Variants in DCSTAMP observed in about 807,000 individuals in gnomAD.
The protein encoded by DCSTAMP is dendritic cell-specific transmembrane protein.
Under a neutral mutation model 33.8 loss-of-function variants are expected in DCSTAMP, and 25 were observed. The observed-to-expected ratio is 0.74, with a 90% CI of 0.54 to 1.03. The LOEUF (loss-of-function observed/expected upper bound fraction) is 1.03, where lower values mean the gene tolerates loss of function less well. Ranked by LOEUF, DCSTAMP falls within the 50% of genes least tolerant of loss-of-function variation. The probability of loss-of-function intolerance (pLI) is 0.00; values close to 1 mark genes in which losing one functional copy is unlikely to be tolerated. For synonymous variants in DCSTAMP, 245 were observed against 216.7 expected, an observed-to-expected ratio of 1.13 and a Z score of -1.15; for missense variants, 531 against 556.8, an observed-to-expected ratio of 0.95 and a Z score of 0.47.
At chr8:104,346,924 A>G (rs1564064615) in intron 1 of DCSTAMP, among the ~76,000 whole-genome samples, 1 of 152,222 alleles carries the variant, frequency 6.6e-6, no homozygotes, top group Non-Finnish European at 1.5e-5. Context: ...ACTGGCTCTC[A>G]CTGTATTCAG....
intron 2 of DCSTAMP, among the ~76,000 whole-genome samples, chr8:104,350,905 C>T (rs1299824123): frequency 6.6e-6 from 1 of 152,150 alleles, no homozygotes; most frequent in Non-Finnish European, 1.5e-5. Flanking sequence ...TTTAAAACCT[C>T]CCAGAGTAAT....
intron 1 of DCSTAMP, among the ~76,000 whole-genome samples, chr8:104,346,145 GC>G (rs145023842): frequency 0.011 from 1,673 of 152,366 alleles, 21 homozygotes; most frequent in African/African-American, 0.037. Flanking sequence ...TGTGCCAGAT[GC>G]AAAGAGCATC....
At chr8:104,344,206 A>G (rs957301528) in intron 1 of DCSTAMP, among the ~76,000 whole-genome samples, 1 of 152,184 alleles carries the variant, frequency 6.6e-6, no homozygotes, top group Non-Finnish European at 1.5e-5. Context: ...GACTTGTGCT[A>G]TCCAATACAT....
chr8:104,348,440 T>C (rs1186634426), intron 1 of DCSTAMP, 101 bp from the exon 2 acceptor site: 5 of 1,206,178 alleles, frequency 4.1e-6, no homozygotes, highest in East Asian at 4.9e-5. Context: ...AGTAAAGAAT[T>C]ATGGCCACGT....
chr8:104,355,016 T>C lies in DCSTAMP; in HGVS notation c.1169T>C (p.Leu390Pro). The C allele has an allele frequency of 6.2e-7, 1 of 1,614,204 alleles. No homozygotes were observed. Among genetic ancestry groups the C allele is most frequent in the South Asian group, 1.1e-5 (1 of 91,080 alleles). The change falls in exon 3 of 4, where the codon CTG becomes CCG. Residue 390 changes from leucine (L) to proline (P), a missense_variant. Physicochemically the swap from Leu to Pro is moderately conservative, Grantham distance 98. Transcript: ENST00000297581. ...GTTATTCTTTTGATATTAGTGATGC[T>C]GGGACTGTTGTCCTCTATCCTTATG... ...LSVILLILVMLGLLSSILMQL... is the reference protein window; with the variant it reads ...LSVILLILVMPGLLSSILMQL...
At chr8:104,341,270 A>G (rs1334855167) in intron 1 of DCSTAMP, among the ~76,000 whole-genome samples, 1 of 152,232 alleles carries the variant, frequency 6.6e-6, no homozygotes, top group African/African-American at 2.4e-5. Context: ...GGAGATTCTC[A>G]TTATTATTTC....
chr8:104,351,714 T>C (rs575365000), intron 2 of DCSTAMP, among the ~76,000 whole-genome samples: 1 of 152,330 alleles, frequency 6.6e-6, no homozygotes, highest in East Asian at 1.9e-4. Flanking sequence ...TTGTAAGCTG[T>C]CATGGTGCTG....
chr8:104,349,681 C>A, intron 2 of DCSTAMP, 100 bp downstream of exon 2: 1 of 1,327,520 alleles, frequency 7.5e-7, no homozygotes, highest in Non-Finnish European at 1.0e-6. Flanking sequence ...GGCTCATTCA[C>A]CTTTGCATCC....
chr8:104,343,833 G>C lies in DCSTAMP; in HGVS notation c.-13+3971G>C, dbSNP rs953966887. Reference sequence around the variant, plus strand: ...GAGGAGGCAGTTGTCTGCAAGCCGGGGAGGGGTCCTCACCAGAACCCAACC... The same window carrying C: ...GAGGAGGCAGTTGTCTGCAAGCCGGCGAGGGGTCCTCACCAGAACCCAACC... On this transcript the variant is annotated intron_variant, in intron 1 of 3. Transcript: ENST00000297581. Among the ~76,000 whole-genome samples, 3 of 152,212 alleles carry C rather than the reference G, an allele frequency of 2.0e-5. No homozygotes were observed. The East Asian group carries it at 5.8e-4, about 29-fold the overall frequency.
At chr8:104,355,986 C>A in intron 3 of DCSTAMP, 138 bp from the exon 4 acceptor site, 1 of 691,336 alleles carries the variant, frequency 1.4e-6, no homozygotes, top group East Asian at 3.0e-5. Flanking sequence ...CAACATAACC[C>A]ACAAAAATAA....
intron 2 of DCSTAMP, 129 bp from the exon 3 acceptor site, chr8:104,354,748 A>G (rs1810566165): frequency 1.6e-6 from 1 of 621,640 alleles, no homozygotes; most frequent in Admixed American, 3.1e-5. Flanking sequence ...GGAAGATGTG[A>G]TAGTTCCTTT....
Position 104,355,071 on chromosome 8 carries a change from C to G in DCSTAMP, c.1224C>G (p.Phe408Leu). The change falls in exon 3 of 4, where the codon TTC becomes TTG. Residue 408 changes from phenylalanine to leucine, a missense_variant. Physicochemically the swap from Phe to Leu is conservative, Grantham distance 22. Coordinates refer to ENST00000297581, the MANE Select transcript of DCSTAMP (RefSeq NM_030788.4). ...TTAAAATCCTGGTGTCAGCATCTTT[C>G]TACCCCAGCGTGGAGAGGAAGCGCA... ...MQLKILVSAS[F>L]YPSVERKRIQ... 6.2e-7 allele frequency: 1 copy of G among 1,614,098 alleles called. No homozygotes were observed. The highest frequency in any genetic ancestry group is 8.5e-7 in the Non-Finnish European group (1 of 1,179,992).
At chr8:104,341,700 C>G (rs1478033353) in intron 1 of DCSTAMP, among the ~76,000 whole-genome samples, 1 of 152,198 alleles carries the variant, frequency 6.6e-6, no homozygotes, top group Non-Finnish European at 1.5e-5. Context: ...AATCAGGGCT[C>G]TTCATCCCTA....
At position 104,355,044 on chromosome 8, in the gene DCSTAMP, A is replaced by G; in HGVS notation, c.1197A>G (p.Gln399=). ...GACTGTTGTCCTCTATCCTTATGCA[A>G]CTTAAAATCCTGGTGTCAGCATCTT... ...MLGLLSSILM[Q]LKILVSASFY... is the part of the protein sequence containing the mutation. The change falls in exon 3 of 4, where the codon CAA becomes CAG. Residue 399 remains glutamine, a synonymous_variant. Transcript: ENST00000297581. The G allele has an allele frequency of 1.2e-6, 2 of 1,614,132 alleles. No homozygotes were observed. The highest frequency in any genetic ancestry group is 4.5e-5 in the East Asian group (2 of 44,878).
intron 1 of DCSTAMP, among the ~76,000 whole-genome samples, 160 bp from the exon 2 acceptor site, chr8:104,348,381 A>C (rs1810370853): frequency 6.6e-6 from 1 of 152,182 alleles, no homozygotes; most frequent in Non-Finnish European, 1.5e-5. Context: ...TGGTGGTGGA[A>C]GGTCAAAGAA....
At chr8:104,348,400 G>A in intron 1 of DCSTAMP, 141 bp from the exon 2 acceptor site, 1 of 800,584 alleles carries the variant, frequency 1.2e-6, no homozygotes. Context: ...AAGCTGTAAA[G>A]TCATATTTCA....
chr8:104,356,199 G>C lies in DCSTAMP; in HGVS notation c.*1G>C. On this transcript the variant is annotated 3_prime_UTR_variant, in exon 4 of 4. Transcript: ENST00000297581. Reference sequence around the variant, plus strand: ...CATGGCAAGTGCAGACAAGTCATGAGAGACCCCGACTACTCCTCAGCCACA... The same window carrying C: ...CATGGCAAGTGCAGACAAGTCATGACAGACCCCGACTACTCCTCAGCCACA... 1 of 1,611,356 alleles carries C rather than the reference G, an allele frequency of 6.2e-7. No individual in the cohort carries two copies. The highest frequency in any genetic ancestry group is 1.3e-5 in the African/African-American group (1 of 74,852).
chr8:104,345,324 A>T (rs553021999), intron 1 of DCSTAMP, among the ~76,000 whole-genome samples: 1 of 152,292 alleles, frequency 6.6e-6, no homozygotes, highest in South Asian at 2.1e-4. Context: ...ACAGAGAAGA[A>T]ATCAATGCCA....
chr8:104,347,800 T>G (rs1810351986), intron 1 of DCSTAMP, among the ~76,000 whole-genome samples: 1 of 152,160 alleles, frequency 6.6e-6, no homozygotes, highest in African/African-American at 2.4e-5. Context: ...CATGTCCTAC[T>G]GCTCAGAACT....
Sources: gnomAD v4.1 joint callset for allele counts (sites outside exome capture counted in the v4.1 genomes callset) on GRCh38, gnomAD v4.1.1 for gene constraint, MANE v1.5 for transcripts, NCBI Gene and HGNC (gene_info 2026-07-23, HGNC 2026-07-21) for gene names.